The following FLI1 variants were observed in gnomAD, a reference collection of about 807,000 sequenced individuals.
FLI1 encodes Fli-1 proto-oncogene, ETS transcription factor, also known as Friend leukemia integration 1 transcription factor.
Under a neutral mutation model 53.1 loss-of-function variants are expected in FLI1, and 13 were observed. The observed-to-expected ratio is 0.24, with a 90% CI of 0.16 to 0.39. The LOEUF (loss-of-function observed/expected upper bound fraction) is 0.39, where lower values mean the gene tolerates loss of function less well. Among genes scored for constraint, FLI1 ranks in the 10% least tolerant of loss-of-function variants. The pLI, the probability that FLI1 is intolerant of heterozygous loss-of-function variation, is 1.00. For synonymous variants in FLI1, 244 were observed against 236.7 expected, an observed-to-expected ratio of 1.03 and a Z score of -0.28; for missense variants, 424 against 600.5, an observed-to-expected ratio of 0.71 and a Z score of 3.07.
intron 1 of FLI1, among the ~76,000 whole-genome samples, chr11:128,703,949 C>T (rs1479681389): frequency 6.6e-6 from 1 of 150,426 alleles, no homozygotes; most frequent in Non-Finnish European, 1.5e-5. Flanking sequence ...GTCCCGGTGA[C>T]TTTAAGATTC....
At chr11:128,789,941 C>T (rs1001404309) in intron 5 of FLI1, among the ~76,000 whole-genome samples, 5 of 152,128 alleles carry the variant, frequency 3.3e-5, no homozygotes, top group South Asian at 2.1e-4. Flanking sequence ...GAGGGTATCG[C>T]GGCCTCACAG....
intron 5 of FLI1, among the ~76,000 whole-genome samples, chr11:128,787,685 C>A (rs903451470): frequency 4.6e-5 from 7 of 152,052 alleles, no homozygotes; most frequent in African/African-American, 1.5e-4. Context: ...TAAATCAGCA[C>A]AGTTTCTGAC....
At chr11:128,699,630 T>C (rs554952827) in intron 1 of FLI1, among the ~76,000 whole-genome samples, 5 of 152,366 alleles carry the variant, frequency 3.3e-5, no homozygotes, top group African/African-American at 4.8e-5. Flanking sequence ...TTCTTCCCAT[T>C]ATGTATTAAT....
intron 2 of FLI1, among the ~76,000 whole-genome samples, chr11:128,760,801 C>T (rs1354822218): frequency 1.3e-5 from 2 of 152,102 alleles, no homozygotes; most frequent in Non-Finnish European, 2.9e-5. Flanking sequence ...GCTGGGATTA[C>T]AGGCGTGAGC....
chr11:128,687,158 C>T (rs1328221259), intron 1 of FLI1, among the ~76,000 whole-genome samples: 3 of 152,264 alleles, frequency 2.0e-5, no homozygotes, highest in Admixed American at 1.3e-4. Flanking sequence ...GCGCCACGCG[C>T]TTCTCCTACA....
chr11:128,719,422 T>C (rs1454908828), intron 1 of FLI1, among the ~76,000 whole-genome samples: 1 of 151,634 alleles, frequency 6.6e-6, no homozygotes, highest in Non-Finnish European at 1.5e-5. Context: ...TATTTACTTA[T>C]AGCTTGAATA....
chr11:128,785,996 T>A (rs1178818180), intron 5 of FLI1, among the ~76,000 whole-genome samples: 2 of 152,238 alleles, frequency 1.3e-5, no homozygotes, highest in Admixed American at 6.5e-5. Flanking sequence ...TGGTAAGTTT[T>A]ATGTTACATA....
At chr11:128,799,995 A>C (rs1257227139) in intron 5 of FLI1, among the ~76,000 whole-genome samples, 2 of 152,150 alleles carry the variant, frequency 1.3e-5, no homozygotes, top group Admixed American at 6.5e-5. Flanking sequence ...ACCGCCGCTC[A>C]CCTGCAGTTT....
Position 128,768,397 on chromosome 11 carries a change from G to A in FLI1, c.385+125G>A, listed in dbSNP as rs537937967. 223 of 1,226,438 alleles carry A rather than the reference G, an allele frequency of 1.8e-4. 2 individuals are homozygous for A. The South Asian group carries it at 2.5e-3, about 14-fold the overall frequency. 76.0% of individuals were successfully genotyped at this position (1,226,438 alleles called of 1,614,324 possible). ...AATTGCAAAATGGAGAAAGCTGCACGCCAGCCGGGAGTGGTGGCTCGCGCC... is the reference window on the plus strand; with the variant it reads ...AATTGCAAAATGGAGAAAGCTGCACACCAGCCGGGAGTGGTGGCTCGCGCC... On this transcript the variant is annotated intron_variant, in intron 3 of 8. Coordinates refer to ENST00000527786, the MANE Select transcript of FLI1 (RefSeq NM_002017.5).
intron 1 of FLI1, among the ~76,000 whole-genome samples, chr11:128,712,190 G>A (rs999608617): frequency 6.6e-6 from 1 of 152,184 alleles, no homozygotes; most frequent in African/African-American, 2.4e-5. Context: ...CTGAGATCTG[G>A]TTGTTAAAAG....
chr11:128,778,558 G>T (rs184529936), intron 4 of FLI1, among the ~76,000 whole-genome samples: 1 of 152,188 alleles, frequency 6.6e-6, no homozygotes, highest in African/African-American at 2.4e-5. Flanking sequence ...ATATGACTTC[G>T]CTGAGTGTTG....
At chr11:128,734,168 A>G (rs1448636702) in intron 1 of FLI1, among the ~76,000 whole-genome samples, 1 of 152,238 alleles carries the variant, frequency 6.6e-6, no homozygotes, top group East Asian at 1.9e-4. Context: ...GGGTGGTTAA[A>G]CAGGGGAAGC....
chr11:128,696,103 A>G (rs1237402956), intron 1 of FLI1: 1 of 152,266 alleles, frequency 6.6e-6, no homozygotes, highest in Non-Finnish European at 1.5e-5. Context: ...AGGGATTGGC[A>G]TGGCAGGCCT....
At chr11:128,717,475 G>A (rs1361844721) in intron 1 of FLI1, among the ~76,000 whole-genome samples, 3 of 152,186 alleles carry the variant, frequency 2.0e-5, no homozygotes, top group Non-Finnish European at 4.4e-5. Flanking sequence ...CAGGGATGCT[G>A]TTTCTAAGGC....
chr11:128,734,664 GT>G (rs1205475521), intron 1 of FLI1, among the ~76,000 whole-genome samples: 1 of 152,178 alleles, frequency 6.6e-6, no homozygotes, highest in Non-Finnish European at 1.5e-5. Flanking sequence ...TTGAGAAAAT[GT>G]CAGGGAGGCC....
chr11:128,701,950 G>A (rs1272628616), intron 1 of FLI1, among the ~76,000 whole-genome samples: 3 of 152,196 alleles, frequency 2.0e-5, no homozygotes, highest in Non-Finnish European at 4.4e-5. Flanking sequence ...GATGTTATGG[G>A]AAAGGAATCG....
intron 1 of FLI1, among the ~76,000 whole-genome samples, chr11:128,722,583 G>T (rs1939299417): frequency 6.6e-6 from 1 of 152,184 alleles, no homozygotes; most frequent in South Asian, 2.1e-4. Context: ...TGAACCAAGA[G>T]ATTTGCGTGA....
chr11:128,693,793 A>T (rs1937870129), upstream of FLI1: 1 of 229,386 alleles, frequency 4.4e-6, no homozygotes, highest in Non-Finnish European at 8.5e-6. Context: ...CTGTGTGCGC[A>T]GCGCATGAAT....
At chr11:128,718,687 C>T (rs983380441) in intron 1 of FLI1, among the ~76,000 whole-genome samples, 3 of 152,142 alleles carry the variant, frequency 2.0e-5, no homozygotes, top group African/African-American at 7.2e-5. Context: ...AAAGAAATGC[C>T]TATTTTTCAA....
Sources: allele counts gnomAD v4.1 joint callset (sites outside exome capture counted in the v4.1 genomes callset), GRCh38; gene constraint gnomAD v4.1.1; transcripts MANE v1.5; gene names NCBI Gene and HGNC (gene_info 2026-07-23, HGNC 2026-07-21).